GEM: variants seen among roughly 807,000 people sequenced by gnomAD.
GEM encodes GTP binding protein overexpressed in skeletal muscle, also known as GTP-binding protein GEM.
In GEM, 31 loss-of-function variants were observed where a neutral mutation model predicts 33.0. The observed-to-expected ratio is 0.94, with a 90% CI of 0.71 to 1.27. The LOEUF is 1.27. Among genes scored for constraint, GEM ranks in the 50% most tolerant of loss-of-function variants. GEM has a pLI of 0.00. For missense variants in GEM, 354 were observed against 390.5 expected (o/e 0.91, Z 0.79); for synonymous variants, 141 against 143.7 (o/e 0.98, Z 0.13).
rs1353054474 is a variant in GEM, at chr8:94,249,612, GTGGT to G, written c.*694_*697del. On this transcript the variant is annotated 3_prime_UTR_variant, in exon 5 of 5. Transcript: ENST00000297596. ...ATTCAAAAATAATAAAACATAAAAG[GTGGT>G]TTGACTAAATAGAATCTGATTCAAA... 1.3e-5 allele frequency: 2 copies of G among 152,112 alleles called. No individual in the cohort carries two copies. Among genetic ancestry groups the G allele is most frequent in the East Asian group, 3.9e-4 (2 of 5,176 alleles). The allele number at this position is 152,112 out of a possible 1,614,324, so 9.4% of individuals were successfully genotyped here.
rs1297605393 is a variant in GEM at position 94,249,509 on chromosome 8, T to G, written c.*801A>C. 1 of 152,246 alleles carries G rather than the reference T, an allele frequency of 6.6e-6. No individual in the cohort carries two copies. The highest frequency in any genetic ancestry group is 1.5e-5 in the Non-Finnish European group (1 of 68,038). The allele number at this position is 152,246 out of a possible 1,614,324, so 9.4% of individuals were successfully genotyped here. A position where few individuals can be genotyped will look rare whatever the true frequency, so the allele number is the denominator to read the frequency against. ...TTATAAAAATTCAGACTTCTGATTATACATTAAAAATTGACATTTTGCACT... is the reference window on the plus strand; with the variant it reads ...TTATAAAAATTCAGACTTCTGATTAGACATTAAAAATTGACATTTTGCACT... On this transcript the variant is annotated 3_prime_UTR_variant, in exon 5 of 5. Coordinates refer to ENST00000297596, the MANE Select transcript of GEM (RefSeq NM_005261.4).
Position 94,260,442 on chromosome 8 carries a change from C to T in GEM, c.62G>A (p.Arg21His). 1.2e-6 allele frequency: 2 copies of T among 1,613,600 alleles called. No individual in the cohort carries two copies. Among genetic ancestry groups the T allele is most frequent in the Non-Finnish European group, 1.7e-6 (2 of 1,179,706 alleles). ...CCTGCCATCAGCTGGGATGCTCCAG[C>T]GCTGCTGCTGTGGCTGCATGCCCAC... ...GTVGMQPQQQ[R>H]WSIPADGRHL... Residue 21 changes from arginine (R) to histidine (H), a missense_variant, in exon 2 of 5, where the codon CGC becomes CAC. Physicochemically the swap from Arg to His is conservative, Grantham distance 29. Coordinates refer to ENST00000297596, the MANE Select transcript of GEM (RefSeq NM_005261.4).
intron 2 of GEM, among the ~76,000 whole-genome samples, chr8:94,257,915 A>G (rs1808931624): frequency 6.6e-6 from 1 of 152,102 alleles, no homozygotes; most frequent in African/African-American, 2.4e-5. Context: ...CTCTTGGGAA[A>G]CAAAACCAAC....
In GEM at chr8:94,250,446, C is replaced by T. The variant is rs375369112; in HGVS notation, c.755G>A (p.Arg252Gln). 4.3e-6 allele frequency: 7 copies of T among 1,614,066 alleles called. No individual in the cohort carries two copies. Among genetic ancestry groups the T allele is most frequent in the South Asian group, 1.1e-5 (1 of 91,086 alleles). ...CTCCTTCCTTTTCTGGTAGGCCAGC[C>T]GCCGTTCATTCTTCTCCTTGCTGTC... ...RRDSKEKNER[R>Q]LAYQKRKESM... The change falls in exon 5 of 5, where the codon CGG (arginine) becomes CAG (glutamine). Residue 252 changes from arginine (R) to glutamine (Q), a missense_variant. By Grantham distance (43) the Arg-to-Gln change is conservative (BLOSUM62 1). Coordinates refer to ENST00000297596, the MANE Select transcript of GEM (RefSeq NM_005261.4).
chr8:94,253,453 A>G (rs1049443774), intron 2 of GEM, among the ~76,000 whole-genome samples: 2 of 152,174 alleles, frequency 1.3e-5, no homozygotes, highest in Middle Eastern at 3.2e-3. Flanking sequence ...CTCAGATTCA[A>G]TGGTTAATGC....
chr8:94,253,175 G>T, intron 2 of GEM, 63 bp from the exon 3 acceptor site: 3 of 850,368 alleles, frequency 3.5e-6, no homozygotes, highest in Non-Finnish European at 6.1e-6. Context: ...CCATAAGAGG[G>T]TCAGGTAGAA....
In GEM at chr8:94,260,263, T is replaced by C. The variant is rs1808985295; in HGVS notation, c.241A>G (p.Ile81Val). The C allele has an allele frequency of 6.2e-7, 1 of 1,613,626 alleles. No homozygotes were observed. ...SGNTYYRVVL[I>V]GEQGVGKSTL... ...GACTTGCCCACCCCCTGCTCCCCTATGAGCACCACTCGGTAGTAGGTGTTC... is the reference window on the plus strand; with the variant it reads ...GACTTGCCCACCCCCTGCTCCCCTACGAGCACCACTCGGTAGTAGGTGTTC... The change falls in exon 2 of 5, where the codon ATA becomes GTA. Residue 81 changes from isoleucine to valine, a missense_variant. Coordinates refer to ENST00000297596, the MANE Select transcript of GEM (RefSeq NM_005261.4).
rs554586328 is a variant in GEM, at chr8:94,249,586, A to T, written c.*724T>A. The T allele has an allele frequency of 9.5e-4, 144 of 152,338 alleles. 1 individual carries two copies. Among genetic ancestry groups the T allele is most frequent in the African/African-American group, 3.2e-3 (135 of 41,586 alleles). 9.4% of individuals were successfully genotyped at this position (152,338 alleles called of 1,614,324 possible). On this transcript the variant is annotated 3_prime_UTR_variant, in exon 5 of 5. Coordinates refer to ENST00000297596, the MANE Select transcript of GEM (RefSeq NM_005261.4). Reference sequence around the variant, plus strand: ...AAAATATTTTTATGATGGCTCCATGAATTCAAAAATAATAAAACATAAAAG... The same window carrying T: ...AAAATATTTTTATGATGGCTCCATGTATTCAAAAATAATAAAACATAAAAG...
At chr8:94,251,907 T>C in intron 4 of GEM, 112 bp downstream of exon 4, 1 of 794,072 alleles carries the variant, frequency 1.3e-6, no homozygotes, top group South Asian at 1.6e-5. Context: ...TCATATAGCA[T>C]CTTAATGAGT....
At chr8:94,254,680 G>A (rs1039968121) in intron 2 of GEM, among the ~76,000 whole-genome samples, 1 of 152,176 alleles carries the variant, frequency 6.6e-6, no homozygotes, top group African/African-American at 2.4e-5. Flanking sequence ...ACAATAGCGA[G>A]CAGTTTACGA....
In GEM at chr8:94,250,416, A is replaced by C; in HGVS notation, c.785T>G (p.Met262Arg). ...RLAYQKRKES[M>R]PRKARRFWGK... ...CCAGAAGCGCCTGGCTTTCCTGGGCATGCTCTCCTTCCTTTTCTGGTAGGC... is the reference window on the plus strand; with the variant it reads ...CCAGAAGCGCCTGGCTTTCCTGGGCCTGCTCTCCTTCCTTTTCTGGTAGGC... The change falls in exon 5 of 5, where the codon ATG becomes AGG. Residue 262 changes from methionine (M) to arginine (R), a missense_variant. Transcript: ENST00000297596. 6.2e-7 allele frequency: 1 copy of C among 1,614,186 alleles called. No homozygotes were observed. The highest frequency in any genetic ancestry group is 8.5e-7 in the Non-Finnish European group (1 of 1,180,022).
At chr8:94,256,488 G>A (rs1023308966) in intron 2 of GEM, among the ~76,000 whole-genome samples, 10 of 152,194 alleles carry the variant, frequency 6.6e-5, no homozygotes, top group African/African-American at 2.4e-4. Context: ...CAAGTGCTGT[G>A]TGTGTGTGAA....
In GEM at chr8:94,252,208, G is replaced by A; in HGVS notation, c.424C>T (p.Leu142Phe). Reference sequence around the variant, plus strand: ...CCGACCTGCATGCAGTGGTCATGGAGCCATTCATTTTCCCCCTAATGAAAC... The same window carrying A: ...CCGACCTGCATGCAGTGGTCATGGAACCATTCATTTTCCCCCTAATGAAAC... The part of the protein sequence containing the change: ...MWENKGENEW[L>F]HDHCMQVGDA... The change falls in exon 4 of 5, where the codon CTC becomes TTC. Residue 142 changes from leucine (L) to phenylalanine (F), a missense_variant. By Grantham distance (22) the Leu-to-Phe change is conservative (BLOSUM62 0). Transcript: ENST00000297596. The A allele has an allele frequency of 6.2e-7, 1 of 1,607,956 alleles. No individual in the cohort carries two copies. The highest frequency in any genetic ancestry group is 8.5e-7 in the Non-Finnish European group (1 of 1,175,354).
Position 94,260,457 on chromosome 8 carries a change from T to C in GEM, c.47A>G (p.Gln16Arg). The change falls in exon 2 of 5, where the codon CAG (glutamine) becomes CGG (arginine). Residue 16 changes from glutamine (Q) to arginine (R), a missense_variant. Coordinates refer to ENST00000297596, the MANE Select transcript of GEM (RefSeq NM_005261.4). ...GATGCTCCAGCGCTGCTGCTGTGGC[T>C]GCATGCCCACAGTGCCCTGGCGCAT... ...VTMRQGTVGM[Q>R]PQQQRWSIPA... 1 of 1,612,334 alleles carries C rather than the reference T, an allele frequency of 6.2e-7. No individual in the cohort carries two copies. The highest frequency in any genetic ancestry group is 8.5e-7 in the Non-Finnish European group (1 of 1,178,688).
At chr8:94,258,544 T>G (rs529008681) in intron 2 of GEM, among the ~76,000 whole-genome samples, 111 of 152,278 alleles carry the variant, frequency 7.3e-4, no homozygotes, top group Admixed American at 1.3e-3. Flanking sequence ...CAGGGGGCTA[T>G]GAAAAGACAC....
intron 2 of GEM, among the ~76,000 whole-genome samples, chr8:94,254,080 T>G (rs1384794262): frequency 1.3e-5 from 2 of 152,304 alleles, no homozygotes; most frequent in Admixed American, 6.5e-5. Context: ...TACCTCCCTC[T>G]GGGGGAGGTG....
intron 2 of GEM, among the ~76,000 whole-genome samples, chr8:94,257,739 G>A (rs748361824): frequency 7.2e-5 from 11 of 152,130 alleles, no homozygotes; most frequent in South Asian, 2.1e-4. Context: ...ATGAATGAAT[G>A]GCATTCAGTG....
intron 2 of GEM, among the ~76,000 whole-genome samples, chr8:94,255,944 ACT>A (rs1173134421): frequency 6.6e-6 from 1 of 151,234 alleles, no homozygotes; most frequent in African/African-American, 2.4e-5. Context: ...CCCCTGACAG[ACT>A]CTCTCCCTGA....
chr8:94,255,702 G>A (rs1212675714), intron 2 of GEM, among the ~76,000 whole-genome samples: 2 of 152,204 alleles, frequency 1.3e-5, no homozygotes, highest in African/African-American at 4.8e-5. Context: ...TCTGCTTCCA[G>A]TAAAGGTGTG....
Sources: gnomAD v4.1 joint callset for allele counts (sites outside exome capture counted in the v4.1 genomes callset) on GRCh38, gnomAD v4.1.1 for gene constraint, MANE v1.5 for transcripts, NCBI Gene and HGNC (gene_info 2026-07-23, HGNC 2026-07-21) for gene names.